The following LIPC variants were observed in gnomAD, a reference collection of about 807,000 sequenced individuals.
LIPC encodes hepatic triacylglycerol lipase.
Under a neutral mutation model 50.7 loss-of-function variants are expected in LIPC, and 44 were observed. The ratio of observed to expected loss-of-function variants is 0.87; its 90% CI spans 0.68 to 1.11. The LOEUF is 1.11. LIPC is among the 50% of genes most tolerant of loss of function. The pLI is 0.00. For synonymous variants in LIPC, 271 were observed against 256.4 expected, an observed-to-expected ratio of 1.06 and a Z score of -0.54; for missense variants, 697 against 648.2, an observed-to-expected ratio of 1.08 and a Z score of -0.82.
At chr15:58,501,240 C>A (rs1433524456) in intron 1 of LIPC, among the ~76,000 whole-genome samples, 1 of 152,050 alleles carries the variant, frequency 6.6e-6, no homozygotes, top group East Asian at 1.9e-4. Context: ...GCCCCCTCGC[C>A]TATATACCTA....
At chr15:58,525,878 A>C (rs1892787586) in intron 1 of LIPC, among the ~76,000 whole-genome samples, 1 of 152,238 alleles carries the variant, frequency 6.6e-6, no homozygotes, top group Non-Finnish European at 1.5e-5. Context: ...GCCTACTTCT[A>C]CTACCACCAA....
At chr15:58,496,931 C>T (rs1891792374) in intron 1 of LIPC, among the ~76,000 whole-genome samples, 2 of 152,078 alleles carry the variant, frequency 1.3e-5, no homozygotes, top group African/African-American at 4.8e-5. Context: ...GTTATCCACC[C>T]GCCTCAGCCT....
chr15:58,553,768 C>CG (rs1566949577), intron 6 of LIPC, among the ~76,000 whole-genome samples: 2 of 152,176 alleles, frequency 1.3e-5, no homozygotes, highest in African/African-American at 4.8e-5. Context: ...CTTCTTCACT[C>CG]GCGCCTGCTC....
chr15:58,463,026 C>A (rs1475458715), intron 1 of LIPC, among the ~76,000 whole-genome samples: 1 of 152,218 alleles, frequency 6.6e-6, no homozygotes, highest in Non-Finnish European at 1.5e-5. Context: ...TCCAAGAAGT[C>A]GATTCCAATC....
At chr15:58,473,266 G>A (rs1890873525) in intron 1 of LIPC, among the ~76,000 whole-genome samples, 1 of 152,136 alleles carries the variant, frequency 6.6e-6, no homozygotes, top group African/African-American at 2.4e-5. Context: ...TCAGAGATCT[G>A]CCAGGGAATC....
At chr15:58,433,442 A>G (rs775303516) in intron 1 of LIPC, among the ~76,000 whole-genome samples, 2 of 152,174 alleles carry the variant, frequency 1.3e-5, no homozygotes, top group Non-Finnish European at 1.5e-5. Context: ...GAGATTTTTC[A>G]TTAATAGAAA....
At chr15:58,467,670 C>G (rs1894619435) in intron 1 of LIPC, among the ~76,000 whole-genome samples, 1 of 152,188 alleles carries the variant, frequency 6.6e-6, no homozygotes. Flanking sequence ...GTGGCCCATT[C>G]TCAAATGCAG....
At chr15:58,564,984 T>A (rs7163112) in intron 8 of LIPC, among the ~76,000 whole-genome samples, 1 of 152,112 alleles carries the variant, frequency 6.6e-6, no homozygotes, top group East Asian at 1.9e-4. Context: ...CTTGTCCTCA[T>A]AGAGGTGGAA....
At chr15:58,520,628 G>A (rs1892626383) in intron 1 of LIPC, among the ~76,000 whole-genome samples, 1 of 152,266 alleles carries the variant, frequency 6.6e-6, no homozygotes, top group East Asian at 1.9e-4. Flanking sequence ...GGCCAAAAAA[G>A]GAAATACGGA....
chr15:58,513,238 C>T (rs1182261652), intron 1 of LIPC, among the ~76,000 whole-genome samples: 1 of 152,166 alleles, frequency 6.6e-6, no homozygotes, highest in African/African-American at 2.4e-5. Context: ...TGAAAGATGA[C>T]ACTCCCTTGA....
At chr15:58,502,116 C>T (rs1197717643) in intron 1 of LIPC, among the ~76,000 whole-genome samples, 2 of 152,256 alleles carry the variant, frequency 1.3e-5, no homozygotes, top group Non-Finnish European at 2.9e-5. Context: ...GAGCCTTGCA[C>T]GGAGTTAGTG....
Position 58,563,651 on chromosome 15 carries a change from G to A in LIPC, c.1316G>A (p.Trp439Ter). The change falls in exon 8 of 9, where the codon TGG (tryptophan) becomes TAG (stop). Residue 439 changes from tryptophan (W) to a stop codon, truncating the protein, a stop_gained. Coordinates refer to ENST00000299022, the MANE Select transcript of LIPC (RefSeq NM_000236.3). LOFTEE classifies it high-confidence loss of function. ...GACACGGTCCAGACCATCATCCCAT[G>A]GAGCACAGGGCCGCGCCACTCAGGC... ...VWDTVQTIIP[W>*]STGPRHSGLV... 1.2e-6 allele frequency: 2 copies of A among 1,614,170 alleles called. No homozygotes were observed. Among genetic ancestry groups the A allele is most frequent in the Non-Finnish European group, 1.7e-6 (2 of 1,180,042 alleles).
intron 4 of LIPC, among the ~76,000 whole-genome samples, chr15:58,544,395 C>CTTTTTTTTT (rs66982295): frequency 2.3e-5 from 3 of 128,974 alleles, no homozygotes; most frequent in East Asian, 2.3e-4. Flanking sequence ...TTTTCTCTTT[C>CTTTTTTTTT]TTTTTTTTTT....
intron 1 of LIPC, among the ~76,000 whole-genome samples, chr15:58,462,939 T>G (rs958671024): frequency 1.3e-5 from 2 of 152,222 alleles, no homozygotes; most frequent in African/African-American, 4.8e-5. Flanking sequence ...GCACAGGCTG[T>G]GGATTATTCC....
chr15:58,533,079 T>G (rs989170047), intron 1 of LIPC: 1 of 780,982 alleles, frequency 1.3e-6, no homozygotes, highest in African/African-American at 1.9e-5. Context: ...TTTGATCACT[T>G]ACCTCAATTT....
intron 1 of LIPC, among the ~76,000 whole-genome samples, chr15:58,472,449 G>A (rs1316895332): frequency 6.6e-6 from 1 of 151,622 alleles, no homozygotes; most frequent in Non-Finnish European, 1.5e-5. Flanking sequence ...GGTAGCATGC[G>A]CCTGTAATCC....
At chr15:58,462,016 T>C (rs1267058462) in intron 1 of LIPC, among the ~76,000 whole-genome samples, 1 of 146,098 alleles carries the variant, frequency 6.8e-6, no homozygotes, top group African/African-American at 2.5e-5. Context: ...GTCCCACCCA[T>C]CACACAGCCT....
intron 1 of LIPC, among the ~76,000 whole-genome samples, chr15:58,442,861 C>T (rs1893552688): frequency 6.6e-6 from 1 of 152,176 alleles, no homozygotes; most frequent in African/African-American, 2.4e-5. Flanking sequence ...TTCTGGTGTC[C>T]CTCTCAGAGC....
chr15:58,505,450 G>C (rs970761064), intron 1 of LIPC, among the ~76,000 whole-genome samples: 2 of 152,218 alleles, frequency 1.3e-5, no homozygotes, highest in Admixed American at 6.5e-5. Context: ...TCAACACAAA[G>C]TGTGCTCAAC....
Sources: allele counts gnomAD v4.1 joint callset (sites outside exome capture counted in the v4.1 genomes callset), GRCh38; gene constraint gnomAD v4.1.1; transcripts MANE v1.5; gene names NCBI Gene and HGNC (gene_info 2026-07-23, HGNC 2026-07-21).